ATF7: variants seen among roughly 807,000 people sequenced by gnomAD.
ATF7 encodes activating transcription factor 7, also known as cyclic AMP-dependent transcription factor ATF-7.
In ATF7, 10 loss-of-function variants were observed where a neutral mutation model predicts 50.4. The observed-to-expected ratio is 0.20, with a 90% confidence interval of 0.12 to 0.34. The LOEUF is 0.34. Ranked by LOEUF, ATF7 falls within the 10% of genes least tolerant of loss-of-function variation. ATF7 has a pLI of 1.00. For synonymous variants in ATF7, 201 were observed against 226.4 expected (o/e 0.89, Z 1.01); for missense variants, 465 against 613.9 (o/e 0.76, Z 2.56).
rs368815259 is a variant in ATF7 at position 53,624,555 on chromosome 12, G to C, written c.-22+1724C>G. ...CTGTCCCTTTTCTGTACAGAATTAA[G>C]AACTGGTAAGACTACTTAGCAGAGC... On this transcript the variant is annotated intron_variant, in intron 1 of 11. Transcript: ENST00000420353. Among the ~76,000 whole-genome samples, 3 of 152,218 alleles carry C rather than the reference G, an allele frequency of 2.0e-5. No homozygotes were observed. The East Asian group carries it at 5.8e-4, about 29-fold the overall frequency.
At chr12:53,565,775 G>A (rs1941414239) in intron 2 of ATF7, among the ~76,000 whole-genome samples, 1 of 152,104 alleles carries the variant, frequency 6.6e-6, no homozygotes, top group Admixed American at 6.6e-5. Context: ...TTACAGGTGT[G>A]AGCCCCTGTG....
At chr12:53,548,578 C>T (rs1449386383) in intron 3 of ATF7, among the ~76,000 whole-genome samples, 1 of 152,286 alleles carries the variant, frequency 6.6e-6, no homozygotes, top group East Asian at 1.9e-4. Context: ...AGTGATCCTC[C>T]TACCTCGGCC....
At chr12:53,606,880 A>G (rs1272679043) in intron 1 of ATF7, among the ~76,000 whole-genome samples, 1 of 152,062 alleles carries the variant, frequency 6.6e-6, no homozygotes, top group Non-Finnish European at 1.5e-5. Context: ...ATGTCCCTAC[A>G]AAGGACATGA....
chr12:53,511,632 TTGTC>T (rs775100252), downstream of ATF7, among the ~76,000 whole-genome samples: 10 of 152,238 alleles, frequency 6.6e-5, no homozygotes, highest in African/African-American at 9.6e-5. Context: ...CTTTCCGTCT[TTGTC>T]TGTGTGTGTG....
intron 1 of ATF7, chr12:53,625,828 C>G (rs1944582674): frequency 6.6e-6 from 1 of 152,246 alleles, no homozygotes; most frequent in African/African-American, 2.4e-5. Context: ...GTTTAGTATC[C>G]CTCCTCTTTC....
rs1242121330 is a variant in ATF7, at chr12:53,587,820, C to CATATATATATAT, written c.48+13121_48+13132dup. The stretch of plus-strand genomic sequence containing the variant: ...TTTTGATCCTCTATGTATACTTCTA[C>CATATATATATAT]ATATATATATATATATATATATATT... On this transcript the variant is annotated intron_variant, in intron 2 of 11. Transcript: ENST00000420353. 4.0e-3 allele frequency among the ~76,000 whole-genome samples: 267 copies of CATATATATATAT among 66,988 alleles called. 7 individuals are homozygous for CATATATATATAT. Among genetic ancestry groups the CATATATATATAT allele is most frequent in the Middle Eastern group, 9.8e-3 (1 of 102 alleles). 43.9% of individuals were successfully genotyped at this position (66,988 alleles called of 152,430 possible). A position where few individuals can be genotyped will look rare whatever the true frequency, so the allele number is the denominator to read the frequency against.
chr12:53,609,820 G>A (rs913323383), intron 1 of ATF7, among the ~76,000 whole-genome samples: 1 of 69,926 alleles, frequency 1.4e-5, no homozygotes, highest in Non-Finnish European at 2.7e-5. Flanking sequence ...TAAATGTTAT[G>A]CTTTTTTTTT....
chr12:53,587,845 T>A (rs2365339), intron 2 of ATF7, among the ~76,000 whole-genome samples: 322 of 31,594 alleles, frequency 0.01, 2 homozygotes, highest in Middle Eastern at 0.048. Flanking sequence ...ATATATATAT[T>A]TTTTTTTTTT....
intron 2 of ATF7, among the ~76,000 whole-genome samples, chr12:53,593,746 G>GC (rs1820278229): frequency 6.6e-6 from 1 of 152,166 alleles, no homozygotes; most frequent in African/African-American, 2.4e-5. Flanking sequence ...TCTATGACAA[G>GC]TTTTCCCCAG....
chr12:53,570,736 C>CGTGTGTGT (rs57842916), intron 2 of ATF7, among the ~76,000 whole-genome samples: 14 of 143,576 alleles, frequency 9.8e-5, no homozygotes, highest in African/African-American at 3.1e-4. Context: ...CTCCTGTGTG[C>CGTGTGTGT]GTGTGTGTGT....
At chr12:53,578,239 T>C (rs2137677185) in intron 2 of ATF7, among the ~76,000 whole-genome samples, 1 of 151,892 alleles carries the variant, frequency 6.6e-6, no homozygotes, top group African/African-American at 2.4e-5. Context: ...CCAAGTGTCC[T>C]GGCGTGTACC....
intron 1 of ATF7, among the ~76,000 whole-genome samples, chr12:53,605,208 G>C (rs188676393): frequency 6.6e-4 from 100 of 152,104 alleles, no homozygotes; most frequent in African/African-American, 2.2e-3. Context: ...GACCAACATG[G>C]TGAAACCCTG....
intron 1 of ATF7, among the ~76,000 whole-genome samples, chr12:53,616,671 G>A (rs924341196): frequency 3.3e-5 from 5 of 152,056 alleles, no homozygotes; most frequent in Admixed American, 6.6e-5. Flanking sequence ...GGCCGGGTGC[G>A]GTGGCTCATT....
intron 1 of ATF7, among the ~76,000 whole-genome samples, chr12:53,621,964 T>C (rs1944400354): frequency 6.6e-6 from 1 of 152,088 alleles, no homozygotes; most frequent in Admixed American, 6.6e-5. Context: ...CTCAGGTAAC[T>C]AACTTGATGA....
At chr12:53,585,692 G>A (rs931352780) in intron 2 of ATF7, among the ~76,000 whole-genome samples, 2 of 152,118 alleles carry the variant, frequency 1.3e-5, no homozygotes, top group African/African-American at 4.8e-5. Flanking sequence ...GTGTCTCCTT[G>A]ACAGAGCTTC....
At chr12:53,548,331 CTTCT>C (rs993776660) in intron 3 of ATF7, among the ~76,000 whole-genome samples, 35 of 151,882 alleles carry the variant, frequency 2.3e-4, no homozygotes, top group African/African-American at 8.0e-4. Flanking sequence ...TTTCTTTTTT[CTTCT>C]TTCTTTATTC....
chr12:53,552,556 A>G lies in ATF7; in HGVS notation c.130T>C (p.Ser44Pro). 6.2e-7 allele frequency: 1 copy of G among 1,613,812 alleles called. No homozygotes were observed. The highest frequency in any genetic ancestry group is 8.5e-7 in the Non-Finnish European group (1 of 1,179,726). ...CAGCAAATACCTGCAATGATGACTG[A>G]GTCAGTTCGGGCTGGGCCAAATTTC... is the stretch of plus-strand genomic sequence containing the variant. ...TLKFGPARTD[S>P]VIIADQTPTP... The change falls in exon 3 of 12, where the codon TCA becomes CCA. Residue 44 changes from serine to proline, a missense_variant. Ser to Pro is a moderately conservative substitution (Grantham distance 74). Coordinates refer to ENST00000420353, the MANE Select transcript of ATF7 (RefSeq NM_006856.3).
chr12:53,571,354 C>T (rs762808369), intron 2 of ATF7, among the ~76,000 whole-genome samples: 1 of 151,680 alleles, frequency 6.6e-6, no homozygotes, highest in Non-Finnish European at 1.5e-5. Context: ...TGTTATAACG[C>T]CTACAGGAAA....
chr12:53,608,535 C>T (rs910857953), intron 1 of ATF7, among the ~76,000 whole-genome samples: 1 of 152,072 alleles, frequency 6.6e-6, no homozygotes, highest in Non-Finnish European at 1.5e-5. Flanking sequence ...AACAATTATG[C>T]TTATATCAGA....
Sources: allele counts gnomAD v4.1 joint callset (sites outside exome capture counted in the v4.1 genomes callset), GRCh38; gene constraint gnomAD v4.1.1; transcripts MANE v1.5; gene names NCBI Gene and HGNC (gene_info 2026-07-23, HGNC 2026-07-21).